Variants in CAMK2B observed in about 807,000 individuals in gnomAD.
The protein encoded by CAMK2B is calcium/calmodulin dependent protein kinase II beta, also known as calcium/calmodulin-dependent protein kinase type II subunit beta.
CAMK2B carries 27 observed loss-of-function variants against 93.7 expected under a neutral mutation model. The observed-to-expected ratio is 0.29, with a 90% CI of 0.21 to 0.40. The LOEUF is 0.40. Among genes scored for constraint, CAMK2B ranks in the 10% least tolerant of loss-of-function variants. CAMK2B has a pLI of 1.00. For synonymous variants in CAMK2B, 374 were observed against 358.8 expected (o/e 1.04, Z -0.48); for missense variants, 568 against 895.8 (o/e 0.63, Z 4.67).
At chr7:44,258,152 C>A (rs1315693342) in intron 4 of CAMK2B, among the ~76,000 whole-genome samples, 1 of 152,220 alleles carries the variant, frequency 6.6e-6, no homozygotes, top group African/African-American at 2.4e-5. Flanking sequence ...AAGTGAGAGG[C>A]GGCAGCGGCC....
At chr7:44,260,432 C>A (rs1240896062) in intron 3 of CAMK2B, among the ~76,000 whole-genome samples, 1 of 152,168 alleles carries the variant, frequency 6.6e-6, no homozygotes, top group Non-Finnish European at 1.5e-5. Flanking sequence ...ATGCCCTCCA[C>A]CAAGGGCAGG....
chr7:44,309,072 T>A (rs970683112), intron 1 of CAMK2B, among the ~76,000 whole-genome samples: 1 of 152,204 alleles, frequency 6.6e-6, no homozygotes, highest in Non-Finnish European at 1.5e-5. Context: ...CCGCCTGGCC[T>A]AGTAGGCTCC....
chr7:44,231,131 G>T (rs1025445206), intron 16 of CAMK2B, 77 bp from the exon 17 acceptor site: 1 of 1,189,660 alleles, frequency 8.4e-7, no homozygotes, highest in Non-Finnish European at 1.2e-6. Context: ...GGTGGACAGG[G>T]CTGGGCCTGT....
intron 1 of CAMK2B, among the ~76,000 whole-genome samples, chr7:44,324,166 TC>T (rs1243950093): frequency 6.6e-6 from 1 of 152,208 alleles, no homozygotes; most frequent in African/African-American, 2.4e-5. Flanking sequence ...TTATCAATGA[TC>T]AGCGTCCCTC....
intron 2 of CAMK2B, among the ~76,000 whole-genome samples, chr7:44,282,417 G>A (rs757538676): frequency 2.0e-5 from 3 of 152,218 alleles, no homozygotes; most frequent in Admixed American, 2.0e-4. Flanking sequence ...GAATGGTTGG[G>A]AGCGCATGCC....
intron 5 of CAMK2B, among the ~76,000 whole-genome samples, chr7:44,247,521 A>G (rs1463268106): frequency 6.6e-6 from 1 of 151,924 alleles, no homozygotes; most frequent in Non-Finnish European, 1.5e-5. Flanking sequence ...CACCCTCAGG[A>G]GGGAGGCCAG....
intron 17 of CAMK2B, 190 bp from the exon 18 acceptor site, chr7:44,229,691 A>C (rs2128915985): frequency 2.1e-6 from 1 of 475,038 alleles, no homozygotes; most frequent in East Asian, 3.5e-5. Context: ...AGGTATGTGA[A>C]GGCTGAAGGA....
In CAMK2B at chr7:44,258,862, T is replaced by C. The variant is rs764647099; in HGVS notation, c.275+10A>G. 2 of 1,613,286 alleles carry C rather than the reference T, an allele frequency of 1.2e-6. No individual in the cohort carries two copies. On this transcript the variant is annotated intron_variant, in intron 4 of 23. Coordinates refer to ENST00000395749, the MANE Select transcript of CAMK2B (RefSeq NM_001220.5). ...TGAGTGCAGCGAGAGTCCCCAGCTC[T>C]GGAACTTACAGATCGAAGACCAGGT...
intron 1 of CAMK2B, among the ~76,000 whole-genome samples, chr7:44,313,206 G>C (rs971908487): frequency 6.6e-6 from 1 of 152,066 alleles, no homozygotes; most frequent in South Asian, 2.1e-4. Flanking sequence ...GCACTCCCTC[G>C]CTCCGTCCCA....
rs77522357 is a variant in CAMK2B, at chr7:44,302,629, C to T, written c.66-18404G>A. ...AAAAATTAATTATTATAATCCAATG[C>T]GTCAACAAGGTAAAGAGGAAAAATC... On this transcript the variant is annotated intron_variant, in intron 1 of 23. Transcript: ENST00000395749. Among the ~76,000 whole-genome samples the T allele has an allele frequency of 6.7e-3, 1,022 of 152,138 alleles. 15 individuals are homozygous for T. Among genetic ancestry groups the T allele is most frequent in the African/African-American group, 0.023 (973 of 41,524 alleles).
In CAMK2B at chr7:44,293,892, C is replaced by T. The variant is rs77037806; in HGVS notation, c.66-9667G>A. Among the ~76,000 whole-genome samples, 1,175 of 152,250 alleles carry T rather than the reference C, an allele frequency of 7.7e-3. 19 individuals carry two copies. Among genetic ancestry groups the T allele is most frequent in the African/African-American group, 0.027 (1,106 of 41,518 alleles). ...GATTTTTGACATGTTTCTGTGACAC[C>T]GTGTTCAATTTCAGCCTCAGGGACC... is the stretch of plus-strand genomic sequence containing the variant. On this transcript the variant is annotated intron_variant, in intron 1 of 23. Transcript: ENST00000395749.
intron 2 of CAMK2B, among the ~76,000 whole-genome samples, chr7:44,278,444 G>A (rs1008932800): frequency 5.3e-5 from 8 of 152,274 alleles, no homozygotes; most frequent in South Asian, 2.1e-4. Context: ...CTGGAGGTGC[G>A]TGTCCCACAG....
intron 16 of CAMK2B, 73 bp from the exon 17 acceptor site, chr7:44,231,127 C>T: frequency 8.3e-7 from 1 of 1,209,862 alleles, no homozygotes. Flanking sequence ...GGCAGGTGGA[C>T]AGGGCTGGGC....
At chr7:44,270,228 G>C (rs1016733284) in intron 2 of CAMK2B, among the ~76,000 whole-genome samples, 2 of 152,150 alleles carry the variant, frequency 1.3e-5, no homozygotes, top group African/African-American at 4.8e-5. Flanking sequence ...CCTTCTGCTT[G>C]TCCACCACAC....
At chr7:44,226,391 G>T in intron 20 of CAMK2B, 125 bp downstream of exon 20, 1 of 763,408 alleles carries the variant, frequency 1.3e-6, no homozygotes, top group Non-Finnish European at 1.9e-6. Context: ...CTGGGACCCA[G>T]CAGAGGGATC....
At chr7:44,260,033 G>T (rs2096866806) in intron 3 of CAMK2B, among the ~76,000 whole-genome samples, 1 of 152,178 alleles carries the variant, frequency 6.6e-6, no homozygotes. Context: ...TTGAGGGCCT[G>T]CACTGCACCA....
At chr7:44,254,381 T>C (rs1270706222) in intron 5 of CAMK2B, among the ~76,000 whole-genome samples, 161 bp downstream of exon 5, 1 of 152,186 alleles carries the variant, frequency 6.6e-6, no homozygotes, top group African/African-American at 2.4e-5. Context: ...GCGCTGAGGT[T>C]ACAAGTTTCC....
chr7:44,246,464 C>G (rs546907808), intron 6 of CAMK2B, among the ~76,000 whole-genome samples: 1 of 151,948 alleles, frequency 6.6e-6, no homozygotes. Flanking sequence ...CATGCATACA[C>G]GCACACATGT....
chr7:44,231,280 G>A (rs112538094), intron 16 of CAMK2B, among the ~76,000 whole-genome samples: 4 of 152,214 alleles, frequency 2.6e-5, no homozygotes, highest in African/African-American at 9.6e-5. Context: ...AGTGACCGGA[G>A]AAGACACCCA....
Sources: allele counts gnomAD v4.1 joint callset (sites outside exome capture counted in the v4.1 genomes callset), GRCh38; gene constraint gnomAD v4.1.1; transcripts MANE v1.5; gene names NCBI Gene and HGNC (gene_info 2026-07-23, HGNC 2026-07-21).